Variants in ELP4 observed in about 807,000 individuals in gnomAD.
ELP4 encodes the protein elongator acetyltransferase complex subunit 4.
Under a neutral mutation model 48.9 loss-of-function variants are expected in ELP4, and 51 were observed. The observed-to-expected ratio is 1.04, with a 90% CI of 0.83 to 1.32. The LOEUF is 1.32. Ranked by LOEUF, ELP4 falls within the 40% of genes most tolerant of loss-of-function variation. The probability of loss-of-function intolerance (pLI) is 0.00; values close to 1 mark genes in which losing one functional copy is unlikely to be tolerated. For missense variants in ELP4, 519 were observed against 514.6 expected, an observed-to-expected ratio of 1.01 and a Z score of -0.08; for synonymous variants, 210 against 189.2, an observed-to-expected ratio of 1.11 and a Z score of -0.90.
chr11:31,769,420 A>G (rs1357664447), intron 9 of ELP4, among the ~76,000 whole-genome samples: 1 of 152,210 alleles, frequency 6.6e-6, no homozygotes, highest in African/African-American at 2.4e-5. Context: ...GTTCATCGAA[A>G]GCTGCCAAAT....
chr11:31,608,995 C>T (rs185126119), intron 5 of ELP4, among the ~76,000 whole-genome samples: 59 of 131,376 alleles, frequency 4.5e-4, no homozygotes, highest in African/African-American at 1.5e-3. Context: ...GTAGGGTGAG[C>T]GATTTTTCAC....
intron 9 of ELP4, among the ~76,000 whole-genome samples, chr11:31,747,295 C>G (rs1041665616): frequency 6.6e-6 from 1 of 151,988 alleles, no homozygotes; most frequent in Non-Finnish European, 1.5e-5. Flanking sequence ...CAAGTGGAGG[C>G]TCTTAGGAAG....
chr11:31,640,832 G>C (rs115027622), intron 7 of ELP4, among the ~76,000 whole-genome samples: 140 of 152,050 alleles, frequency 9.2e-4, no homozygotes, highest in African/African-American at 3.2e-3. Context: ...GCATAGTAGA[G>C]CCACTGTAAG....
At chr11:31,625,331 A>C (rs548062379) in intron 5 of ELP4, among the ~76,000 whole-genome samples, 1 of 151,912 alleles carries the variant, frequency 6.6e-6, no homozygotes, top group African/African-American at 2.4e-5. Flanking sequence ...AAATAAAATC[A>C]GTATGTTGAA....
chr11:31,668,117 T>A (rs1353869918), intron 9 of ELP4, among the ~76,000 whole-genome samples: 1 of 152,212 alleles, frequency 6.6e-6, no homozygotes, highest in Non-Finnish European at 1.5e-5. Flanking sequence ...GTAGTTGCTT[T>A]ATTTGGAAAG....
At chr11:31,763,974 G>A (rs1378549184) in intron 9 of ELP4, among the ~76,000 whole-genome samples, 2 of 151,762 alleles carry the variant, frequency 1.3e-5, no homozygotes, top group African/African-American at 4.8e-5. Flanking sequence ...TATAGTTATT[G>A]ATAATAAGCT....
chr11:31,704,857 A>G (rs1946597856), intron 9 of ELP4, among the ~76,000 whole-genome samples: 1 of 151,754 alleles, frequency 6.6e-6, no homozygotes, highest in Non-Finnish European at 1.5e-5. Flanking sequence ...CTAAAAATAC[A>G]AAAGTTAGCC....
intron 9 of ELP4, among the ~76,000 whole-genome samples, chr11:31,765,608 A>G (rs1436291344): frequency 6.6e-6 from 1 of 152,162 alleles, no homozygotes; most frequent in African/African-American, 2.4e-5. Flanking sequence ...AAAAATTTGT[A>G]AAATTACAAC....
rs900950436 is a variant in ELP4, at chr11:31,695,006, T to C, written c.1143+44785T>C. Among the ~76,000 whole-genome samples the C allele has an allele frequency of 4.6e-5, 7 of 152,312 alleles. No homozygotes were observed. The South Asian group carries it at 1.5e-3, about 32-fold the overall frequency. On this transcript the variant is annotated intron_variant, in intron 9 of 9. Transcript: ENST00000640961. ...GCTTGTGATTTTTGCACATTGATTT[T>C]GTATCCTGAGACTTTGCTGAACTTG...
At chr11:31,671,838 C>A (rs1945814410) in intron 9 of ELP4, among the ~76,000 whole-genome samples, 1 of 152,154 alleles carries the variant, frequency 6.6e-6, no homozygotes. Flanking sequence ...ACTTTTCATG[C>A]CTGACTCTGC....
intron 7 of ELP4, among the ~76,000 whole-genome samples, chr11:31,638,774 G>A (rs1798147733): frequency 6.6e-6 from 1 of 151,708 alleles, no homozygotes; most frequent in Non-Finnish European, 1.5e-5. Flanking sequence ...GAGTATTTTA[G>A]CAGCTAAACT....
intron 4 of ELP4, among the ~76,000 whole-genome samples, chr11:31,601,633 T>A (rs1016156667): frequency 2.0e-5 from 3 of 152,166 alleles, no homozygotes; most frequent in Non-Finnish European, 4.4e-5. Flanking sequence ...CTTTGCTTCT[T>A]GGCAATTTAG....
chr11:31,772,999 CT>C (rs1348615536), intron 9 of ELP4, among the ~76,000 whole-genome samples: 11 of 152,184 alleles, frequency 7.2e-5, no homozygotes, highest in Admixed American at 5.9e-4. Flanking sequence ...GAAGTTTTTC[CT>C]TGTCTGTTAT....
chr11:31,566,399 G>A (rs1201805928), intron 3 of ELP4, among the ~76,000 whole-genome samples: 1 of 151,658 alleles, frequency 6.6e-6, no homozygotes, highest in Non-Finnish European at 1.5e-5. Context: ...GGTTAATTCT[G>A]TATTTCACAA....
At chr11:31,671,195 TC>T (rs1945798664) in intron 9 of ELP4, among the ~76,000 whole-genome samples, 1 of 152,214 alleles carries the variant, frequency 6.6e-6, no homozygotes, top group Non-Finnish European at 1.5e-5. Context: ...TAAAATGGTT[TC>T]TTTGCTTACA....
chr11:31,650,173 TG>T lies in ELP4; in HGVS notation c.1096del (p.Val366SerfsTer4). On this transcript the variant is annotated frameshift_variant, in exon 9 of 10. Transcript: ENST00000640961. LOFTEE classifies it high-confidence loss of function. ...LNNLICDESD[V>X]KDLAFKLKRK... Reference sequence around the variant, plus strand: ...ATAACTTGATCTGTGATGAATCAGATGTCAAAGACTTAGCTTTTAAATTAAA... The same window carrying T: ...ATAACTTGATCTGTGATGAATCAGATTCAAAGACTTAGCTTTTAAATTAAA... 2.6e-6 allele frequency: 4 copies of T among 1,528,372 alleles called. No individual in the cohort carries two copies. Among genetic ancestry groups the T allele is most frequent in the Non-Finnish European group, 3.6e-6 (4 of 1,109,394 alleles). 94.7% of individuals were successfully genotyped at this position (1,528,372 alleles called of 1,614,324 possible). A position where few individuals can be genotyped will look rare whatever the true frequency, so the allele number is the denominator to read the frequency against.
intron 9 of ELP4, among the ~76,000 whole-genome samples, chr11:31,703,366 A>T (rs1946567005): frequency 6.6e-6 from 1 of 152,126 alleles, no homozygotes; most frequent in South Asian, 2.1e-4. Flanking sequence ...TCACCTCTTT[A>T]TTTATATATA....
chr11:31,678,201 C>T (rs890383455), intron 9 of ELP4, among the ~76,000 whole-genome samples: 1 of 152,034 alleles, frequency 6.6e-6, no homozygotes, highest in African/African-American at 2.4e-5. Flanking sequence ...AATCCCAGCA[C>T]TTTGGGAGGC....
Position 31,520,081 on chromosome 11 carries a change from T to C in ELP4, c.249T>C (p.Val83=). Residue 83 remains valine, a synonymous_variant, in exon 2 of 10, where the codon GTT becomes GTC. Coordinates refer to ENST00000640961, the MANE Select transcript of ELP4 (RefSeq NM_019040.5). ...LLGGGLAVGT[V]LLIEEDKYNI... is the part of the protein sequence containing the mutation. ...GTGGAGGTTTAGCCGTTGGAACAGT[T>C]CTTCTAATTGGTTAGTACAAAATAC... The C allele has an allele frequency of 6.2e-7, 1 of 1,612,724 alleles. No individual in the cohort carries two copies. Among genetic ancestry groups the C allele is most frequent in the Non-Finnish European group, 8.5e-7 (1 of 1,179,486 alleles).
Sources: allele counts gnomAD v4.1 joint callset (sites outside exome capture counted in the v4.1 genomes callset), GRCh38; gene constraint gnomAD v4.1.1; transcripts MANE v1.5; gene names NCBI Gene and HGNC (gene_info 2026-07-23, HGNC 2026-07-21).